DERA: variants seen among roughly 807,000 people sequenced by gnomAD.
DERA encodes the protein 2-deoxy-D-ribose 5-phosphate aldolase.
A neutral mutation model predicts 41.1 loss-of-function variants in DERA; 15 were observed. The ratio of observed to expected loss-of-function variants is 0.37; its 90% CI spans 0.24 to 0.56. DERA has a LOEUF of 0.56. Among genes scored for constraint, DERA ranks in the 20% least tolerant of loss-of-function variants. The pLI, the probability that DERA is intolerant of heterozygous loss-of-function variation, is 0.81. For synonymous variants in DERA, 139 were observed against 137.4 expected (o/e 1.01, Z -0.08); for missense variants, 396 against 403.4 (o/e 0.98, Z 0.16).
chr12:16,005,591 A>T (rs1948903937), intron 6 of DERA, among the ~76,000 whole-genome samples: 1 of 152,202 alleles, frequency 6.6e-6, no homozygotes, highest in Non-Finnish European at 1.5e-5. Flanking sequence ...TGACAAAAAC[A>T]TCTCATGGTC....
chr12:16,026,965 C>A lies in DERA; in HGVS notation c.638-5577C>A, dbSNP rs1949057558. Among the ~76,000 whole-genome samples the A allele has an allele frequency of 6.6e-6, 1 of 152,082 alleles. No individual in the cohort carries two copies. Among genetic ancestry groups the A allele is most frequent in the South Asian group, 2.1e-4 (1 of 4,826 alleles). Reference sequence around the variant, plus strand: ...TATAAAACTAATTATATGCCACAACCAAGTGTGATTTATTCCAGGTATGCA... The same window carrying A: ...TATAAAACTAATTATATGCCACAACAAAGTGTGATTTATTCCAGGTATGCA... On this transcript the variant is annotated intron_variant, in intron 6 of 8. Coordinates refer to ENST00000428559, the MANE Select transcript of DERA (RefSeq NM_015954.4). The surrounding 1 kb of genome is among the most constrained non-coding windows in gnomAD (Gnocchi z 4.4).
chr12:15,961,699 A>G lies in DERA; in HGVS notation c.374-1114A>G, dbSNP rs192689576. On this transcript the variant is annotated intron_variant, in intron 4 of 8. Transcript: ENST00000428559. Reference sequence around the variant, plus strand: ...GTCAGTTCAGTTTTTGCTTTAAACAACAGAGAAACATGCTTTCCTCTAAGG... The same window carrying G: ...GTCAGTTCAGTTTTTGCTTTAAACAGCAGAGAAACATGCTTTCCTCTAAGG... Among the ~76,000 whole-genome samples the G allele has an allele frequency of 3.9e-5, 6 of 152,328 alleles. No homozygotes were observed. The East Asian group carries it at 7.7e-4, about 20-fold the overall frequency.
Position 15,996,282 on chromosome 12 carries a change from G to A in DERA, c.637+13846G>A, listed in dbSNP as rs142492856. ...AGGAGTGTATTAGTTTCTTGGGCTC[G>A]CTGTAACAGAGTACCGCAAATTAGA... On this transcript the variant is annotated intron_variant, in intron 6 of 8. Coordinates refer to ENST00000428559, the MANE Select transcript of DERA (RefSeq NM_015954.4). This position sits in a 1 kb window ranked among gnomAD's most constrained non-coding sequence, Gnocchi z 4.7. Among the ~76,000 whole-genome samples, 262 of 151,714 alleles carry A rather than the reference G, an allele frequency of 1.7e-3. 2 individuals are homozygous for A. The highest frequency in any genetic ancestry group is 6.0e-3 in the African/African-American group (247 of 41,386).
intron 5 of DERA, among the ~76,000 whole-genome samples, chr12:15,975,154 G>C (rs1948688544): frequency 6.6e-6 from 1 of 152,164 alleles, no homozygotes; most frequent in Non-Finnish European, 1.5e-5. Flanking sequence ...TGGCAGACCA[G>C]AGTTTTGTTT....
rs1051589617 is a variant in DERA at position 16,000,553 on chromosome 12, A to C, written c.637+18117A>C. ...TGTTATAGTATGCTTTTTGTAAAAA[A>C]TTTATCACCAACTGGGGCATTGAAA... On this transcript the variant is annotated intron_variant, in intron 6 of 8. Transcript: ENST00000428559. The surrounding 1 kb of genome is among the most constrained non-coding windows in gnomAD (Gnocchi z 4.8). Among the ~76,000 whole-genome samples, 10 of 152,178 alleles carry C rather than the reference A, an allele frequency of 6.6e-5. No individual in the cohort carries two copies. Among genetic ancestry groups the C allele is most frequent in the African/African-American group, 2.2e-4 (9 of 41,454 alleles).
intron 1 of DERA, among the ~76,000 whole-genome samples, chr12:15,946,561 G>A (rs1399928588): frequency 6.6e-6 from 1 of 152,078 alleles, no homozygotes; most frequent in Non-Finnish European, 1.5e-5. Flanking sequence ...GTTTCTGTGG[G>A]ATTGGTGGTG....
intron 1 of DERA, among the ~76,000 whole-genome samples, chr12:15,914,393 T>TAAAAAA (rs1185673228): frequency 2.5e-3 from 136 of 54,806 alleles, no homozygotes; most frequent in Middle Eastern, 0.014. Context: ...TCAAAAAAGA[T>TAAAAAA]AAAAAAAAAA....
Position 16,036,594 on chromosome 12 carries a change from T to C in DERA, c.901-96T>C. 9.3e-7 allele frequency: 1 copy of C among 1,070,954 alleles called. No individual in the cohort carries two copies. The highest frequency in any genetic ancestry group is 1.4e-6 in the Non-Finnish European group (1 of 733,214). 66.3% of individuals were successfully genotyped at this position (1,070,954 alleles called of 1,614,324 possible). ...CTAGTGAGGCTTTCTAATGAAATGT[T>C]CATTAAAACTATTTATTATTATTTG... On this transcript the variant is annotated intron_variant, in intron 8 of 8. Coordinates refer to ENST00000428559, the MANE Select transcript of DERA (RefSeq NM_015954.4). The surrounding 1 kb of genome is among the most constrained non-coding windows in gnomAD (Gnocchi z 4.9).
intron 6 of DERA, among the ~76,000 whole-genome samples, chr12:15,987,366 A>C (rs1948771970): frequency 6.6e-6 from 1 of 150,498 alleles, no homozygotes; most frequent in Non-Finnish European, 1.5e-5. Flanking sequence ...CCTCCTGAGT[A>C]GCTGGGGTTA....
At position 15,972,644 on chromosome 12, in the gene DERA, G is replaced by A. The variant is rs1012577052; in HGVS notation, c.509-9664G>A. On this transcript the variant is annotated intron_variant, in intron 5 of 8. Transcript: ENST00000428559. The surrounding 1 kb of genome is among the most constrained non-coding windows in gnomAD (Gnocchi z 4.4). Reference sequence around the variant, plus strand: ...AGTGCAGAAGTCGGGGACCTCCAGCGTGCACCCAGAGAGGGAACGATGTAT... The same window carrying A: ...AGTGCAGAAGTCGGGGACCTCCAGCATGCACCCAGAGAGGGAACGATGTAT... The A allele has an allele frequency of 1.2e-4, 21 of 176,218 alleles. No individual in the cohort carries two copies. The highest frequency in any genetic ancestry group is 4.5e-4 in the Admixed American group (8 of 17,768). The allele number at this position is 176,218 out of a possible 1,614,324, so 10.9% of individuals were successfully genotyped here.
In DERA at chr12:16,013,188, A is replaced by G. The variant is rs1175907321; in HGVS notation, c.638-19354A>G. Among the ~76,000 whole-genome samples, 1 of 152,184 alleles carries G rather than the reference A, an allele frequency of 6.6e-6. No individual in the cohort carries two copies. Among genetic ancestry groups the G allele is most frequent in the Non-Finnish European group, 1.5e-5 (1 of 68,030 alleles). ...AAAATCATTTTAAAGAACCATAATT[A>G]TGAATGTGTTGAAGTATTTTTCTTC... On this transcript the variant is annotated intron_variant, in intron 6 of 8. Transcript: ENST00000428559. This position sits in a 1 kb window ranked among gnomAD's most constrained non-coding sequence, Gnocchi z 5.8.
At chr12:15,956,846 T>C (rs544724118) in intron 1 of DERA, 90 bp from the exon 2 acceptor site, 6 of 949,180 alleles carry the variant, frequency 6.3e-6, no homozygotes, top group African/African-American at 3.2e-5. Flanking sequence ...TGTCAAATGA[T>C]AAATGTATCC....
rs920242990 is a variant in DERA, at chr12:16,035,213, A to G, written c.751-1019A>G. Among the ~76,000 whole-genome samples the G allele has an allele frequency of 1.3e-5, 2 of 152,218 alleles. No individual in the cohort carries two copies. Among genetic ancestry groups the G allele is most frequent in the African/African-American group, 2.4e-5 (1 of 41,468 alleles). On this transcript the variant is annotated intron_variant, in intron 7 of 8. Transcript: ENST00000428559. This position sits in a 1 kb window ranked among gnomAD's most constrained non-coding sequence, Gnocchi z 4.1. Reference sequence around the variant, plus strand: ...AATATTGATTGGGTGTGGTGTGGCCAGGGAATGGTGGAGTTTGGATTAAAC... The same window carrying G: ...AATATTGATTGGGTGTGGTGTGGCCGGGGAATGGTGGAGTTTGGATTAAAC...
At chr12:15,933,601 T>G (rs1948344849) in intron 1 of DERA, among the ~76,000 whole-genome samples, 1 of 152,222 alleles carries the variant, frequency 6.6e-6, no homozygotes, top group South Asian at 2.1e-4. Flanking sequence ...CAGGATTCTC[T>G]GTGACTTCAT....
rs1353807055 is a variant in DERA at position 15,982,543 on chromosome 12, AT to A, written c.637+114del. 4 of 1,256,048 alleles carry A rather than the reference AT, an allele frequency of 3.2e-6. No individual in the cohort carries two copies. The Admixed American group carries it at 7.8e-5, about 25-fold the overall frequency. The allele number at this position is 1,256,048 out of a possible 1,614,324, so 77.8% of individuals were successfully genotyped here. On this transcript the variant is annotated intron_variant, in intron 6 of 8. Coordinates refer to ENST00000428559, the MANE Select transcript of DERA (RefSeq NM_015954.4). This position sits in a 1 kb window ranked among gnomAD's most constrained non-coding sequence, Gnocchi z 4.0. ...TTATTAAACGTGCTAACCACTTGGAATTTTTTTGCGGGAGGAATCGGATATT... is the reference window on the plus strand; with the variant it reads ...TTATTAAACGTGCTAACCACTTGGAATTTTTTGCGGGAGGAATCGGATATT...
chr12:15,941,025 G>C lies in DERA; in HGVS notation c.32-15911G>C. On this transcript the variant is annotated intron_variant, in intron 1 of 8. Coordinates refer to ENST00000428559, the MANE Select transcript of DERA (RefSeq NM_015954.4). This position sits in a 1 kb window ranked among gnomAD's most constrained non-coding sequence, Gnocchi z 4.5. ...TTTTTATTAAACATACTTTTTGTGA[G>C]GTCATTGTAACTGATAGTTTTTGTT... 6.6e-6 allele frequency among the ~76,000 whole-genome samples: 1 copy of C among 152,164 alleles called. No individual in the cohort carries two copies. The highest frequency in any genetic ancestry group is 6.5e-5 in the Admixed American group (1 of 15,286).
intron 1 of DERA, among the ~76,000 whole-genome samples, chr12:15,946,226 G>T (rs1948447227): frequency 1.3e-5 from 2 of 152,186 alleles, no homozygotes; most frequent in Non-Finnish European, 2.9e-5. Flanking sequence ...TTGGTATCAG[G>T]ATGATGCTGG....
At chr12:15,956,233 C>T (rs1358048254) in intron 1 of DERA, among the ~76,000 whole-genome samples, 1 of 152,096 alleles carries the variant, frequency 6.6e-6, no homozygotes. Context: ...AATATTTAGA[C>T]TAGGTCTGAA....
In DERA at chr12:16,010,068, GTA is replaced by G. The variant is rs1482997321; in HGVS notation, c.638-22472_638-22471del. Among the ~76,000 whole-genome samples, 8 of 152,140 alleles carry G rather than the reference GTA, an allele frequency of 5.3e-5. No individual in the cohort carries two copies. Among genetic ancestry groups the G allele is most frequent in the Non-Finnish European group, 8.8e-5 (6 of 68,040 alleles). On this transcript the variant is annotated intron_variant, in intron 6 of 8. Transcript: ENST00000428559. The surrounding 1 kb of genome is among the most constrained non-coding windows in gnomAD (Gnocchi z 5.5). ...TTCATCTGAAATATACATGATTACT[GTA>G]TGGTTGTGTGTTATTTCCATTTAAG... is the stretch of plus-strand genomic sequence containing the variant.
Sources: gnomAD v4.1 joint callset for allele counts (sites outside exome capture counted in the v4.1 genomes callset) on GRCh38, gnomAD v4.1.1 for gene constraint, Gnocchi (gnomAD v3.1) non-coding constraint, MANE v1.5 for transcripts, NCBI Gene and HGNC (gene_info 2026-07-23, HGNC 2026-07-21) for gene names.